RALYL: variants seen among roughly 807,000 people sequenced by gnomAD.
RALYL encodes RALY RNA binding protein like, also known as RNA-binding Raly-like protein.
RALYL carries 29 observed loss-of-function variants against 35.1 expected under a neutral mutation model. That is an observed-to-expected ratio of 0.83 (90% CI 0.61 to 1.13). The LOEUF (loss-of-function observed/expected upper bound fraction) is 1.13, where lower values mean the gene tolerates loss of function less well. RALYL is among the 50% of genes most tolerant of loss of function. RALYL has a pLI of 0.00. For synonymous variants in RALYL, 120 were observed against 127.6 expected (o/e 0.94, Z 0.40); for missense variants, 359 against 360.4 (o/e 1.00, Z 0.03).
chr8:84,313,806 T>C (rs889531213), intron 1 of RALYL, among the ~76,000 whole-genome samples: 1 of 152,192 alleles, frequency 6.6e-6, no homozygotes, highest in African/African-American at 2.4e-5. Flanking sequence ...TTCCAAATTT[T>C]CCCTCATTTT....
chr8:84,365,076 A>C (rs188654214), intron 1 of RALYL, among the ~76,000 whole-genome samples: 104 of 152,290 alleles, frequency 6.8e-4, no homozygotes, highest in African/African-American at 2.5e-3. Context: ...TGGTTCTTTG[A>C]ACTGTTTATT....
At chr8:84,424,643 C>T (rs886662762) in intron 1 of RALYL, among the ~76,000 whole-genome samples, 20 of 151,636 alleles carry the variant, frequency 1.3e-4, no homozygotes, top group Admixed American at 3.3e-4. Flanking sequence ...TTAGAGTTTC[C>T]AGTTTTTCTG....
chr8:84,247,325 G>T (rs928223846), intron 1 of RALYL, among the ~76,000 whole-genome samples: 4 of 151,966 alleles, frequency 2.6e-5, no homozygotes, highest in Admixed American at 1.3e-4. Context: ...TCATTCTTCT[G>T]TGATGTCTTA....
intron 8 of RALYL, among the ~76,000 whole-genome samples, chr8:84,897,110 G>A (rs1030788140): frequency 6.6e-6 from 1 of 152,106 alleles, no homozygotes; most frequent in South Asian, 2.1e-4. Flanking sequence ...TTCAGCCTTG[G>A]TATGAAAATA....
At chr8:84,434,392 T>C (rs2047477124) in intron 1 of RALYL, among the ~76,000 whole-genome samples, 1 of 152,140 alleles carries the variant, frequency 6.6e-6, no homozygotes, top group African/African-American at 2.4e-5. Flanking sequence ...TAACTTGTTT[T>C]TGTACAGATT....
intron 2 of RALYL, among the ~76,000 whole-genome samples, chr8:84,748,470 T>C (rs1273272641): frequency 6.6e-6 from 1 of 152,072 alleles, no homozygotes; most frequent in African/African-American, 2.4e-5. Flanking sequence ...CAAGATGATC[T>C]ATTGTAATCC....
chr8:84,655,527 C>T (rs1385424295), intron 2 of RALYL, among the ~76,000 whole-genome samples: 1 of 152,058 alleles, frequency 6.6e-6, no homozygotes, highest in Admixed American at 6.6e-5. Flanking sequence ...CGGGGTTTTG[C>T]CATGTTGGCC....
intron 2 of RALYL, among the ~76,000 whole-genome samples, chr8:84,620,663 A>C (rs1821133848): frequency 6.6e-6 from 1 of 151,950 alleles, no homozygotes; most frequent in Non-Finnish European, 1.5e-5. Context: ...GGAGGAGGAG[A>C]GGCACTCTGC....
chr8:84,662,021 A>T (rs1331967162), intron 2 of RALYL, among the ~76,000 whole-genome samples: 3 of 151,194 alleles, frequency 2.0e-5, no homozygotes, highest in Admixed American at 6.6e-5. Flanking sequence ...ATCTTTAAAG[A>T]CCTCCAAATT....
intron 1 of RALYL, among the ~76,000 whole-genome samples, chr8:84,229,449 C>CA (rs1359836421): frequency 4.6e-5 from 7 of 152,152 alleles, no homozygotes; most frequent in African/African-American, 9.7e-5. Flanking sequence ...TAACCAATAA[C>CA]CAATTGCTAC....
chr8:84,864,170 G>T (rs556839626), intron 6 of RALYL, among the ~76,000 whole-genome samples: 75 of 151,048 alleles, frequency 5.0e-4, no homozygotes, highest in Non-Finnish European at 8.8e-4. Flanking sequence ...CACACATGAG[G>T]TTTAATTTCA....
chr8:84,394,353 T>C (rs1005632121), intron 1 of RALYL, among the ~76,000 whole-genome samples: 2 of 152,100 alleles, frequency 1.3e-5, no homozygotes, highest in Non-Finnish European at 2.9e-5. Flanking sequence ...TGAATCTTTT[T>C]CTTGAAAATG....
intron 2 of RALYL, among the ~76,000 whole-genome samples, chr8:84,594,607 T>TA (rs34143613): frequency 6.6e-6 from 1 of 151,992 alleles, no homozygotes; most frequent in African/African-American, 2.4e-5. Flanking sequence ...CATTTTAATA[T>TA]AAAAAATGTT....
intron 2 of RALYL, among the ~76,000 whole-genome samples, chr8:84,553,828 G>T (rs193076556): frequency 1.3e-5 from 2 of 151,864 alleles, no homozygotes; most frequent in African/African-American, 4.8e-5. Context: ...TATTTCTTAC[G>T]TGTATATCTA....
chr8:84,868,394 A>C (rs2135162509), intron 6 of RALYL, among the ~76,000 whole-genome samples: 1 of 152,092 alleles, frequency 6.6e-6, no homozygotes, highest in South Asian at 2.1e-4. Flanking sequence ...GGATCTCAGC[A>C]TGTTGCCCAG....
rs191031900 is a variant in RALYL at position 84,380,193 on chromosome 8, G to A, written c.-23-149106G>A. On this transcript the variant is annotated intron_variant, in intron 1 of 8. Coordinates refer to ENST00000521268, the MANE Select transcript of RALYL (RefSeq NM_173848.7). ...GTGATGCAGATTATTTAATTCCTCC[G>A]AAGACTTGGTTTATTCATCTGCAAA... 4.2e-3 allele frequency among the ~76,000 whole-genome samples: 631 copies of A among 151,760 alleles called. 6 individuals are homozygous for A. The highest frequency in any genetic ancestry group is 0.014 in the African/African-American group (588 of 41,426).
intron 1 of RALYL, among the ~76,000 whole-genome samples, chr8:84,506,669 T>G (rs1235339199): frequency 1.3e-5 from 2 of 152,008 alleles, no homozygotes; most frequent in Non-Finnish European, 2.9e-5. Context: ...TTACTTTTTA[T>G]TTTATCTAAA....
chr8:84,415,866 T>C (rs1175246086), intron 1 of RALYL, among the ~76,000 whole-genome samples: 1 of 152,198 alleles, frequency 6.6e-6, no homozygotes, highest in Non-Finnish European at 1.5e-5. Context: ...ACACAAATCC[T>C]CTTCATTCAA....
intron 1 of RALYL, among the ~76,000 whole-genome samples, chr8:84,503,096 T>C (rs2056846513): frequency 2.0e-5 from 3 of 151,958 alleles, no homozygotes; most frequent in Admixed American, 6.6e-5. Context: ...CAGAGCAAAA[T>C]CTATGTGAGT....
Sources: gnomAD v4.1 joint callset for allele counts (sites outside exome capture counted in the v4.1 genomes callset) on GRCh38, gnomAD v4.1.1 for gene constraint, MANE v1.5 for transcripts, NCBI Gene and HGNC (gene_info 2026-07-23, HGNC 2026-07-21) for gene names.